ARL6: variants seen among roughly 807,000 people sequenced by gnomAD.
ARL6 encodes the protein ADP-ribosylation factor-like protein 6.
Under a neutral mutation model 27.1 loss-of-function variants are expected in ARL6, and 18 were observed. That is an observed-to-expected ratio of 0.66 (90% CI 0.46 to 0.98). The LOEUF is 0.98. ARL6 is among the 50% of genes least tolerant of loss of function. The probability of loss-of-function intolerance (pLI) is 0.00; values close to 1 mark genes in which losing one functional copy is unlikely to be tolerated. For synonymous variants in ARL6, 65 were observed against 72.3 expected (o/e 0.90, Z 0.51); for missense variants, 187 against 214.9 (o/e 0.87, Z 0.81).
chr3:97,787,921 T>G (rs1224220764), intron 5 of ARL6, 69 bp from the exon 6 acceptor site: 1 of 1,553,752 alleles, frequency 6.4e-7, no homozygotes, highest in African/African-American at 1.4e-5. Flanking sequence ...TGGGTTTCAG[T>G]ACTAAAGATT....
chr3:97,785,448 TTG>T (rs34875308), intron 5 of ARL6, among the ~76,000 whole-genome samples: 66,222 of 149,942 alleles, frequency 0.44, 15,819 homozygotes, highest in East Asian at 0.65. Flanking sequence ...GTATCTGAGT[TTG>T]TGTGTGTTTA....
rs73850181 is a variant in ARL6, at chr3:97,782,511, A to G, written c.254+1828A>G. Among the ~76,000 whole-genome samples the G allele has an allele frequency of 6.3e-3, 964 of 151,998 alleles. 8 individuals carry two copies. Among genetic ancestry groups the G allele is most frequent in the African/African-American group, 0.021 (881 of 41,538 alleles). The stretch of plus-strand genomic sequence containing the variant: ...CGTACTTTTCTAACTGTGAAACAAA[A>G]CAAGTACATTTTGATCTATTAGACT... On this transcript the variant is annotated intron_variant, in intron 4 of 7. Coordinates refer to ENST00000463745, the MANE Select transcript of ARL6 (RefSeq NM_001278293.3).
intron 5 of ARL6, among the ~76,000 whole-genome samples, chr3:97,787,156 T>A (rs2037497692): frequency 6.6e-6 from 1 of 152,120 alleles, no homozygotes; most frequent in African/African-American, 2.4e-5. Flanking sequence ...AACAGGTATC[T>A]CAGTTGGGTT....
At chr3:97,765,211 G>GTGTGTGT (rs1553688332) in intron 1 of ARL6, among the ~76,000 whole-genome samples, 4 of 105,536 alleles carry the variant, frequency 3.8e-5, no homozygotes, top group Non-Finnish European at 4.5e-5. Context: ...GTGTATTGGG[G>GTGTGTGT]GTGTGTGTGT....
intron 2 of ARL6, among the ~76,000 whole-genome samples, chr3:97,775,965 G>T (rs1464939305): frequency 6.6e-6 from 1 of 152,168 alleles, no homozygotes; most frequent in Non-Finnish European, 1.5e-5. Context: ...CTAGAGTTCA[G>T]TTTAACTTGG....
chr3:97,798,452 T>C lies in ARL6; in HGVS notation c.*403T>C, dbSNP rs1247191282. Reference sequence around the variant, plus strand: ...TGTGCTTGTGAAAAAGAACTTTAAATATTTATAAGGGACCATGGGTAATTA... The same window carrying C: ...TGTGCTTGTGAAAAAGAACTTTAAACATTTATAAGGGACCATGGGTAATTA... On this transcript the variant is annotated 3_prime_UTR_variant, in exon 8 of 8. Coordinates refer to ENST00000463745, the MANE Select transcript of ARL6 (RefSeq NM_001278293.3). 6.4e-6 allele frequency: 1 copy of C among 155,982 alleles called. No homozygotes were observed. Among genetic ancestry groups the C allele is most frequent in the Non-Finnish European group, 1.4e-5 (1 of 70,426 alleles). 9.7% of individuals were successfully genotyped at this position (155,982 alleles called of 1,614,324 possible).
chr3:97,782,345 A>AT (rs1213861120), intron 4 of ARL6, among the ~76,000 whole-genome samples: 2 of 151,932 alleles, frequency 1.3e-5, no homozygotes, highest in Non-Finnish European at 2.9e-5. Context: ...TTTTTATTTG[A>AT]TTTTAACTCC....
intron 6 of ARL6, among the ~76,000 whole-genome samples, chr3:97,789,263 C>T (rs1395815766): frequency 2.0e-5 from 3 of 152,046 alleles, no homozygotes; most frequent in Non-Finnish European, 4.4e-5. Flanking sequence ...AATTTGGGTC[C>T]TGTGGTATTT....
intron 2 of ARL6, among the ~76,000 whole-genome samples, chr3:97,770,225 A>G (rs1285695813): frequency 6.6e-6 from 1 of 152,060 alleles, no homozygotes; most frequent in East Asian, 1.9e-4. Context: ...GATAAAGGCA[A>G]TTTTAACTGG....
intron 5 of ARL6, among the ~76,000 whole-genome samples, chr3:97,787,121 A>G (rs1458071045): frequency 6.6e-6 from 1 of 152,140 alleles, no homozygotes; most frequent in African/African-American, 2.4e-5. Flanking sequence ...TCATTACAGG[A>G]TTGTTCATAG....
In ARL6 at chr3:97,800,993, A is replaced by C. The variant is rs1377884133; in HGVS notation, c.*2944A>C. On this transcript the variant is annotated 3_prime_UTR_variant, in exon 8 of 8. Transcript: ENST00000463745. ...CACATGTCATCACATAGGGGGTTAGAATTTCAACATAGAAATTTTGGGAGA... is the reference window on the plus strand; with the variant it reads ...CACATGTCATCACATAGGGGGTTAGCATTTCAACATAGAAATTTTGGGAGA... 1 of 152,186 alleles carries C rather than the reference A, an allele frequency of 6.6e-6. No individual in the cohort carries two copies. Among genetic ancestry groups the C allele is most frequent in the Non-Finnish European group, 1.5e-5 (1 of 68,028 alleles). The allele number at this position is 152,186 out of a possible 1,614,324, so 9.4% of individuals were successfully genotyped here.
intron 1 of ARL6, chr3:97,766,728 T>C (rs2036398771): frequency 1.3e-5 from 2 of 152,176 alleles, no homozygotes; most frequent in South Asian, 2.1e-4. Context: ...ATAAAAAGTA[T>C]TGAAGAAACT....
At chr3:97,789,152 C>A (rs2037603112) in intron 6 of ARL6, among the ~76,000 whole-genome samples, 1 of 152,126 alleles carries the variant, frequency 6.6e-6, no homozygotes, top group South Asian at 2.1e-4. Flanking sequence ...GAGCCTCCAG[C>A]ACCTCTTCCC....
chr3:97,780,838 A>T (rs2037161613), intron 4 of ARL6, among the ~76,000 whole-genome samples, 155 bp downstream of exon 4: 1 of 152,024 alleles, frequency 6.6e-6, no homozygotes, highest in Admixed American at 6.5e-5. Flanking sequence ...GAGACTCAAC[A>T]TTGTTTGTCA....
chr3:97,767,068 G>A (rs1168805856), intron 1 of ARL6, among the ~76,000 whole-genome samples: 3 of 152,030 alleles, frequency 2.0e-5, no homozygotes, highest in Admixed American at 6.6e-5. Context: ...TATGTACACA[G>A]CAGTTTTATT....
rs1171704347 is a variant in ARL6 at position 97,800,639 on chromosome 3, TC to T, written c.*2591del. ...ATTTTTTCTTTGTAATTTTTTTATATCATGTTGTGATTTCCATAAATATGTG... is the reference window on the plus strand; with the variant it reads ...ATTTTTTCTTTGTAATTTTTTTATATATGTTGTGATTTCCATAAATATGTG... On this transcript the variant is annotated 3_prime_UTR_variant, in exon 8 of 8. Transcript: ENST00000463745. 6.6e-6 allele frequency: 1 copy of T among 152,220 alleles called. No individual in the cohort carries two copies. Among genetic ancestry groups the T allele is most frequent in the Non-Finnish European group, 1.5e-5 (1 of 68,032 alleles). 9.4% of individuals were successfully genotyped at this position (152,220 alleles called of 1,614,324 possible). A position where few individuals can be genotyped will look rare whatever the true frequency, so the allele number is the denominator to read the frequency against.
intron 4 of ARL6, 108 bp from the exon 5 acceptor site, chr3:97,784,847 C>T (rs559922594): frequency 1.4e-6 from 1 of 734,094 alleles, no homozygotes; most frequent in African/African-American, 1.8e-5. Flanking sequence ...GATATATGGA[C>T]ATAGGACATA....
chr3:97,783,211 T>C (rs2037284147), intron 4 of ARL6, among the ~76,000 whole-genome samples: 1 of 151,694 alleles, frequency 6.6e-6, no homozygotes, highest in African/African-American at 2.4e-5. Flanking sequence ...AATTCACCAT[T>C]GTCAATCTTT....
chr3:97,779,369 A>G (rs568298621), intron 2 of ARL6, among the ~76,000 whole-genome samples: 1 of 152,218 alleles, frequency 6.6e-6, no homozygotes, highest in Admixed American at 6.5e-5. Context: ...CTACTCAGAG[A>G]GACCATTCCT....
Sources: allele counts gnomAD v4.1 joint callset (sites outside exome capture counted in the v4.1 genomes callset), GRCh38; gene constraint gnomAD v4.1.1; transcripts MANE v1.5; gene names NCBI Gene and HGNC (gene_info 2026-07-23, HGNC 2026-07-21).